The following APBA2 variants were observed in gnomAD, a reference collection of about 807,000 sequenced individuals.
The protein encoded by APBA2 is amyloid-beta A4 precursor protein-binding family A member 2.
A neutral mutation model predicts 75.0 loss-of-function variants in APBA2; 30 were observed. The ratio of observed to expected loss-of-function variants is 0.40; its 90% CI spans 0.30 to 0.54. The LOEUF is 0.54. Ranked by LOEUF, APBA2 falls within the 20% of genes least tolerant of loss-of-function variation. The pLI is 0.49. For synonymous variants in APBA2, 444 were observed against 409.6 expected (o/e 1.08, Z -1.01); for missense variants, 801 against 1,016.1 (o/e 0.79, Z 2.88).
At chr15:28,917,574 C>T (rs1250075562) in intron 1 of APBA2, among the ~76,000 whole-genome samples, 1 of 151,700 alleles carries the variant, frequency 6.6e-6, no homozygotes, top group Non-Finnish European at 1.5e-5. Context: ...TTCTCCTGTA[C>T]ACCCTCACCC....
chr15:28,987,725 G>GATATATATATATATATATATAT lies in APBA2; in HGVS notation c.-94-8027_-94-8026insTATATATATATATATATATATA, dbSNP rs1469936230. On this transcript the variant is annotated intron_variant, in intron 2 of 14. Transcript: ENST00000683413. Reference sequence around the variant, plus strand: ...AAGGGAGTGTCAAAGAATATGTGGAGAGAGATATATATATATATATATATA... The same window carrying GATATATATATATATATATATAT: ...AAGGGAGTGTCAAAGAATATGTGGAGATATATATATATATATATATATAGAGATATATATATATATATATATA... 2.3e-3 allele frequency among the ~76,000 whole-genome samples: 266 copies of GATATATATATATATATATATAT among 118,160 alleles called. 1 individual carries two copies. Among genetic ancestry groups the GATATATATATATATATATATAT allele is most frequent in the East Asian group, 7.6e-3 (22 of 2,910 alleles). 77.5% of individuals were successfully genotyped at this position (118,160 alleles called of 152,430 possible). A position where few individuals can be genotyped will look rare whatever the true frequency, so the allele number is the denominator to read the frequency against.
intron 2 of APBA2, among the ~76,000 whole-genome samples, chr15:28,967,219 C>T (rs13379809): frequency 0.29 from 43,738 of 151,960 alleles, 10,712 homozygotes; most frequent in African/African-American, 0.65. Context: ...TACCATGTAA[C>T]TCATACCTTT....
chr15:29,043,025 T>C (rs1474628619), intron 3 of APBA2, among the ~76,000 whole-genome samples: 1 of 152,196 alleles, frequency 6.6e-6, no homozygotes, highest in African/African-American at 2.4e-5. Flanking sequence ...GGCACCGCTA[T>C]TTCCAGAAGT....
At chr15:28,934,111 GGA>G (rs1178150108) in intron 2 of APBA2, among the ~76,000 whole-genome samples, 1 of 152,184 alleles carries the variant, frequency 6.6e-6, no homozygotes, top group African/African-American at 2.4e-5. Flanking sequence ...CGGGGGTGGA[GGA>G]GAGCAGGACT....
At position 29,074,957 on chromosome 15, in the gene APBA2, C is replaced by T. The variant is rs145494651; in HGVS notation, c.988C>T (p.Arg330Cys). Reference sequence around the variant, plus strand: ...TCTGGAGCAGCCAAGGAAGCAGCAGCGCTCTGATCTCAATGGACCTGTTGA... The same window carrying T: ...TCTGGAGCAGCCAAGGAAGCAGCAGTGCTCTGATCTCAATGGACCTGTTGA... Reference protein sequence around the residue: ...NGLEQPRKQQRSDLNGPVDNN... With the variant: ...NGLEQPRKQQCSDLNGPVDNN... The change falls in exon 5 of 15, where the codon CGC becomes TGC. Residue 330 changes from arginine to cysteine, a missense_variant. Coordinates refer to ENST00000683413, the MANE Select transcript of APBA2 (RefSeq NM_001353788.2). 46 of 1,614,126 alleles carry T rather than the reference C, an allele frequency of 2.8e-5. 1 individual carries two copies. Among genetic ancestry groups the T allele is most frequent in the Middle Eastern group, 3.3e-4 (2 of 6,062 alleles).
chr15:28,934,041 A>T (rs570947802), intron 2 of APBA2, among the ~76,000 whole-genome samples: 1 of 148,556 alleles, frequency 6.7e-6, no homozygotes, highest in African/African-American at 2.5e-5. Flanking sequence ...CAAGGCATGG[A>T]GTGGGCAGCT....
At chr15:29,103,505 C>T (rs553994579) in intron 10 of APBA2, among the ~76,000 whole-genome samples, 3 of 152,338 alleles carry the variant, frequency 2.0e-5, no homozygotes, top group African/African-American at 7.2e-5. Flanking sequence ...CCCTGAACCC[C>T]ACACCTCCCA....
At chr15:28,934,228 A>C (rs1284539766) in intron 2 of APBA2, among the ~76,000 whole-genome samples, 1 of 151,788 alleles carries the variant, frequency 6.6e-6, no homozygotes, top group East Asian at 1.9e-4. Context: ...GCCAGGAGGG[A>C]CTCAGTGGAG....
intron 6 of APBA2, among the ~76,000 whole-genome samples, chr15:29,079,603 G>A (rs752210246): frequency 4.6e-4 from 70 of 152,182 alleles, no homozygotes; most frequent in Admixed American, 7.2e-4. Context: ...GGTGCCTGCC[G>A]CCACTTCCCA....
intron 1 of APBA2, among the ~76,000 whole-genome samples, chr15:28,909,270 T>C (rs1325413227): frequency 6.6e-6 from 1 of 152,098 alleles, no homozygotes; most frequent in Non-Finnish European, 1.5e-5. Context: ...GATTACAGGC[T>C]TGAGCCACCG....
intron 13 of APBA2, among the ~76,000 whole-genome samples, chr15:29,111,202 G>C (rs942486095): frequency 1.3e-5 from 2 of 152,032 alleles, no homozygotes; most frequent in African/African-American, 4.8e-5. Flanking sequence ...GAGTGATGGA[G>C]GGGGCCAAGC....
intron 6 of APBA2, among the ~76,000 whole-genome samples, chr15:29,085,343 G>A (rs2043240039): frequency 6.6e-6 from 1 of 152,022 alleles, no homozygotes; most frequent in Non-Finnish European, 1.5e-5. Context: ...GGCTAACACA[G>A]TGAAACCCCG....
chr15:28,968,416 GC>G (rs1276894499), intron 2 of APBA2, among the ~76,000 whole-genome samples: 1 of 152,160 alleles, frequency 6.6e-6, no homozygotes, highest in East Asian at 1.9e-4. Flanking sequence ...AGACTTTGAG[GC>G]ATTTGACCTG....
At position 28,918,404 on chromosome 15, in the gene APBA2, G is replaced by A. The variant is rs1454512961; in HGVS notation, c.-204-3236G>A. Among the ~76,000 whole-genome samples the A allele has an allele frequency of 2.6e-5, 4 of 152,196 alleles. No individual in the cohort carries two copies. Among genetic ancestry groups the A allele is most frequent in the Non-Finnish European group, 5.9e-5 (4 of 68,034 alleles). ...AGAGGGACACAGGAGCAGCCTTGAT[G>A]CGCAACGCCCCCTCCAGGCCCCGAG... On this transcript the variant is annotated intron_variant, in intron 1 of 14. Transcript: ENST00000683413. The surrounding 1 kb of genome is among the most constrained non-coding windows in gnomAD (Gnocchi z 4.2).
intron 3 of APBA2, among the ~76,000 whole-genome samples, chr15:29,039,182 A>C (rs377113705): frequency 1.4e-3 from 206 of 142,304 alleles, no homozygotes; most frequent in African/African-American, 5.2e-3. Context: ...GAGGAGTTGC[A>C]TTGCTTCCCT....
intron 2 of APBA2, among the ~76,000 whole-genome samples, chr15:28,947,769 G>T (rs1269918681): frequency 6.6e-6 from 1 of 152,176 alleles, no homozygotes; most frequent in African/African-American, 2.4e-5. Flanking sequence ...ATCTCACTGG[G>T]AGTGAACGAT....
rs2045320789 is a variant in APBA2, at chr15:29,118,065, G to C, written c.*932G>C. 1 of 152,616 alleles carries C rather than the reference G, an allele frequency of 6.6e-6. No homozygotes were observed. The highest frequency in any genetic ancestry group is 1.5e-5 in the Non-Finnish European group (1 of 68,074). 9.5% of individuals were successfully genotyped at this position (152,616 alleles called of 1,614,324 possible). On this transcript the variant is annotated 3_prime_UTR_variant, in exon 15 of 15. Coordinates refer to ENST00000683413, the MANE Select transcript of APBA2 (RefSeq NM_001353788.2). ...GGCGCAGTGGCCCTGAGCAGTAGTG[G>C]CATGTGTGTAGATCAAGTCGGATCT...
chr15:28,945,127 C>T (rs2035469835), intron 2 of APBA2, among the ~76,000 whole-genome samples: 2 of 152,364 alleles, frequency 1.3e-5, no homozygotes, highest in African/African-American at 4.8e-5. Context: ...TGGCAACTCA[C>T]AGCCAGCCGC....
intron 4 of APBA2, among the ~76,000 whole-genome samples, chr15:29,060,606 A>G (rs1361178318): frequency 6.6e-6 from 1 of 152,070 alleles, no homozygotes; most frequent in African/African-American, 2.4e-5. Context: ...AGTGAGTGGG[A>G]TACGGTGCCA....
Sources: allele counts gnomAD v4.1 joint callset (sites outside exome capture counted in the v4.1 genomes callset), GRCh38; gene constraint gnomAD v4.1.1; non-coding constraint Gnocchi (gnomAD v3.1); transcripts MANE v1.5; gene names NCBI Gene and HGNC (gene_info 2026-07-23, HGNC 2026-07-21).